The following UBTD2 variants were observed in gnomAD, a reference collection of about 807,000 sequenced individuals.
UBTD2 encodes the protein ubiquitin domain containing 2.
A neutral mutation model predicts 19.8 loss-of-function variants in UBTD2; 9 were observed. The observed-to-expected ratio is 0.46, with a 90% CI of 0.27 to 0.79. The LOEUF (loss-of-function observed/expected upper bound fraction) is 0.79, where lower values mean the gene tolerates loss of function less well. UBTD2 is among the 30% of genes least tolerant of loss of function. The pLI is 0.14. For synonymous variants in UBTD2, 98 were observed against 103.9 expected, an observed-to-expected ratio of 0.94 and a Z score of 0.35; for missense variants, 250 against 300.4, an observed-to-expected ratio of 0.83 and a Z score of 1.24.
At chr5:172,278,346 C>T (rs545171709) in intron 1 of UBTD2, among the ~76,000 whole-genome samples, 2 of 152,044 alleles carry the variant, frequency 1.3e-5, no homozygotes, top group East Asian at 1.9e-4. Context: ...GGTGAAACCC[C>T]GTCTCTACTA....
chr5:172,251,790 G>A (rs1378503447), intron 1 of UBTD2, among the ~76,000 whole-genome samples: 2 of 152,184 alleles, frequency 1.3e-5, no homozygotes, highest in South Asian at 4.1e-4. Context: ...CTGAAAGAAA[G>A]GACGTCAATG....
At chr5:172,247,941 C>A (rs761629482) in intron 1 of UBTD2, among the ~76,000 whole-genome samples, 6 of 152,038 alleles carry the variant, frequency 3.9e-5, no homozygotes, top group Non-Finnish European at 4.4e-5. Flanking sequence ...CAAAACAAGT[C>A]TCAATAAACT....
intron 2 of UBTD2, among the ~76,000 whole-genome samples, chr5:172,225,666 T>G (rs1020199461): frequency 6.6e-6 from 1 of 152,204 alleles, no homozygotes; most frequent in Non-Finnish European, 1.5e-5. Flanking sequence ...GTTTGTTATC[T>G]TGACTGTGGG....
intron 1 of UBTD2, among the ~76,000 whole-genome samples, chr5:172,256,995 T>G (rs1348252084): frequency 6.6e-6 from 1 of 152,188 alleles, no homozygotes; most frequent in Non-Finnish European, 1.5e-5. Context: ...TTCTTCTTCT[T>G]CCAACTTTTA....
chr5:172,282,701 G>A (rs1387345807), intron 1 of UBTD2, among the ~76,000 whole-genome samples: 1 of 152,122 alleles, frequency 6.6e-6, no homozygotes, highest in African/African-American at 2.4e-5. Flanking sequence ...GTAACCAAAG[G>A]TCACTTAAAT....
chr5:172,247,505 TAAAC>T (rs778344541), intron 1 of UBTD2, among the ~76,000 whole-genome samples: 6 of 152,034 alleles, frequency 3.9e-5, no homozygotes, highest in Non-Finnish European at 7.4e-5. Flanking sequence ...CTTTCTCAAA[TAAAC>T]AAACAAAAAA....
At chr5:172,213,809 G>A (rs1175770291) in intron 2 of UBTD2, among the ~76,000 whole-genome samples, 3 of 151,744 alleles carry the variant, frequency 2.0e-5, no homozygotes, top group Non-Finnish European at 4.4e-5. Flanking sequence ...TTTTTGAGAC[G>A]GAATTTCACT....
At chr5:172,244,731 C>A (rs1346706702) in intron 1 of UBTD2, among the ~76,000 whole-genome samples, 2 of 151,996 alleles carry the variant, frequency 1.3e-5, no homozygotes, top group Non-Finnish European at 1.5e-5. Flanking sequence ...GTTTTGTATT[C>A]TTTTTTTCTT....
intron 1 of UBTD2, among the ~76,000 whole-genome samples, chr5:172,270,509 C>A (rs1264235148): frequency 6.6e-6 from 1 of 151,842 alleles, no homozygotes; most frequent in African/African-American, 2.4e-5. Flanking sequence ...GCGCCCACCA[C>A]CACGCCAGGC....
At chr5:172,277,693 G>A (rs934734395) in intron 1 of UBTD2, among the ~76,000 whole-genome samples, 2 of 151,716 alleles carry the variant, frequency 1.3e-5, no homozygotes, top group African/African-American at 2.4e-5. Flanking sequence ...GTAACAGAGC[G>A]AGACTCTATT....
At chr5:172,275,023 G>A (rs1159608001) in intron 1 of UBTD2, among the ~76,000 whole-genome samples, 10 of 152,084 alleles carry the variant, frequency 6.6e-5, no homozygotes, top group Non-Finnish European at 8.8e-5. Flanking sequence ...GCAACAGAGC[G>A]AGACTCCGTC....
intron 1 of UBTD2, among the ~76,000 whole-genome samples, chr5:172,261,100 T>G (rs1268828584): frequency 6.6e-6 from 1 of 152,224 alleles, no homozygotes; most frequent in African/African-American, 2.4e-5. Context: ...AACTCTGTAT[T>G]ACAGGACCAC....
At chr5:172,226,510 C>T (rs1470203495) in intron 2 of UBTD2, among the ~76,000 whole-genome samples, 1 of 152,182 alleles carries the variant, frequency 6.6e-6, no homozygotes, top group Admixed American at 6.5e-5. Context: ...ATAATGTTGG[C>T]TGTCTTCTCT....
At chr5:172,238,355 C>T (rs1268877044) in intron 1 of UBTD2, among the ~76,000 whole-genome samples, 1 of 152,090 alleles carries the variant, frequency 6.6e-6, no homozygotes. Context: ...CTGCAGGTAA[C>T]CAACCATCTT....
chr5:172,280,948 T>A (rs1343737345), intron 1 of UBTD2, among the ~76,000 whole-genome samples: 1 of 152,238 alleles, frequency 6.6e-6, no homozygotes, highest in African/African-American at 2.4e-5. Flanking sequence ...GAAAGTATAG[T>A]ATTTCAAATG....
chr5:172,227,578 T>C (rs1448350911), intron 2 of UBTD2, among the ~76,000 whole-genome samples: 1 of 151,592 alleles, frequency 6.6e-6, no homozygotes, highest in Admixed American at 6.6e-5. Context: ...AAAGATGGGG[T>C]TTTACCACGT....
intron 2 of UBTD2, among the ~76,000 whole-genome samples, chr5:172,228,480 G>A (rs988270106): frequency 1.3e-5 from 2 of 152,130 alleles, no homozygotes; most frequent in Non-Finnish European, 2.9e-5. Flanking sequence ...CAGCACTTTG[G>A]GAGGCCGAGG....
intron 1 of UBTD2, among the ~76,000 whole-genome samples, chr5:172,244,295 GTTTTT>G (rs1191361417): frequency 7.9e-6 from 1 of 126,076 alleles, no homozygotes; most frequent in Non-Finnish European, 1.6e-5. Context: ...TTTCCTCCCA[GTTTTT>G]TTTTTTTTTT....
chr5:172,212,826 G>A (rs913633726), intron 2 of UBTD2, among the ~76,000 whole-genome samples: 2 of 149,356 alleles, frequency 1.3e-5, no homozygotes, highest in East Asian at 2.0e-4. Flanking sequence ...TACCATACCC[G>A]GCTAATTTTT....
Sources: gnomAD v4.1 joint callset for allele counts (sites outside exome capture counted in the v4.1 genomes callset) on GRCh38, gnomAD v4.1.1 for gene constraint, MANE v1.5 for transcripts, NCBI Gene and HGNC (gene_info 2026-07-23, HGNC 2026-07-21) for gene names.